KAZN: variants seen among roughly 807,000 people sequenced by gnomAD.
KAZN encodes kazrin, periplakin interacting protein.
KAZN carries 40 observed loss-of-function variants against 87.4 expected under a neutral mutation model. The observed-to-expected ratio is 0.46, with a 90% CI of 0.36 to 0.60. The LOEUF (loss-of-function observed/expected upper bound fraction) is 0.60. KAZN is among the 20% of genes least tolerant of loss of function. The pLI, the probability that KAZN is intolerant of heterozygous loss-of-function variation, is 0.00. For synonymous variants in KAZN, 466 were observed against 458.3 expected (o/e 1.02, Z -0.22); for missense variants, 898 against 1,073.9 (o/e 0.84, Z 2.29).
chr1:14,880,178 G>A (rs1299121041), intron 1 of KAZN, among the ~76,000 whole-genome samples: 2 of 152,136 alleles, frequency 1.3e-5, no homozygotes, highest in East Asian at 3.9e-4. Flanking sequence ...ATTCTGAGCT[G>A]ATGATAATGG....
At chr1:14,442,592 G>T (rs1666764502) in intron 2 of KAZN, among the ~76,000 whole-genome samples, 1 of 152,188 alleles carries the variant, frequency 6.6e-6, no homozygotes, top group Admixed American at 6.5e-5. Context: ...CTGGTGGGGT[G>T]CACCCGATAG....
Position 15,116,281 on chromosome 1 carries a change from A to G in KAZN, c.*1646A>G, listed in dbSNP as rs1641839725. The G allele has an allele frequency of 6.6e-6, 1 of 152,192 alleles. No homozygotes were observed. Among genetic ancestry groups the G allele is most frequent in the Admixed American group, 6.5e-5 (1 of 15,280 alleles). 9.4% of individuals were successfully genotyped at this position (152,192 alleles called of 1,614,324 possible). A position where few individuals can be genotyped will look rare whatever the true frequency, so the allele number is the denominator to read the frequency against. On this transcript the variant is annotated 3_prime_UTR_variant, in exon 15 of 15. Coordinates refer to ENST00000376030, the MANE Select transcript of KAZN (RefSeq NM_201628.3). ...GAACCCTCAAAGCGTGTGTTCTTCA[A>G]CCTGGCAAATTGTTTCCTCTCATGG...
rs145116351 is a variant in KAZN at position 14,517,980 on chromosome 1, C to A, written c.250-81003C>A. 3.2e-4 allele frequency among the ~76,000 whole-genome samples: 49 copies of A among 152,240 alleles called. 1 individual carries two copies. The highest frequency in any genetic ancestry group is 1.1e-3 in the African/African-American group (47 of 41,536). On this transcript the variant is annotated intron_variant, in intron 2 of 16. Transcript: ENST00000636203. ...GCTAACATTGCCAAGCACCTACTGT[C>A]TGTTTCAGAATGAGTGATGGGTGTT...
intron 4 of KAZN, among the ~76,000 whole-genome samples, chr1:15,047,987 G>A (rs4661569): frequency 0.27 from 41,250 of 151,954 alleles, 7,189 homozygotes; most frequent in East Asian, 0.69. Context: ...GGTGCTGGGC[G>A]GTTTCTTAAG....
chr1:14,849,965 C>T (rs996804337), intron 1 of KAZN, among the ~76,000 whole-genome samples: 10 of 146,916 alleles, frequency 6.8e-5, no homozygotes, highest in African/African-American at 2.3e-4. Flanking sequence ...AACAGAGTAT[C>T]GCTCTGTTAC....
At chr1:14,710,629 G>A (rs1225299961) in intron 1 of KAZN, among the ~76,000 whole-genome samples, 1 of 152,188 alleles carries the variant, frequency 6.6e-6, no homozygotes, top group East Asian at 1.9e-4. Flanking sequence ...CCCGGTACCA[G>A]CATGGATTGA....
intron 1 of KAZN, among the ~76,000 whole-genome samples, chr1:14,839,255 G>A (rs1647648226): frequency 1.3e-5 from 2 of 152,070 alleles, no homozygotes; most frequent in African/African-American, 4.8e-5. Flanking sequence ...TCAAATCCTA[G>A]CCCCATTCCT....
At chr1:14,121,470 A>G (rs1480262180) in intron 1 of KAZN, among the ~76,000 whole-genome samples, 1 of 152,186 alleles carries the variant, frequency 6.6e-6, no homozygotes, top group South Asian at 2.1e-4. Context: ...CCACAATTAT[A>G]CAGTTAGGAA....
At chr1:14,356,990 G>A (rs1391519173) in intron 2 of KAZN, among the ~76,000 whole-genome samples, 1 of 151,938 alleles carries the variant, frequency 6.6e-6, no homozygotes, top group African/African-American at 2.4e-5. Flanking sequence ...GATAGGGATA[G>A]CATTGAATCT....
chr1:14,580,018 T>C (rs1430444966), intron 2 of KAZN, among the ~76,000 whole-genome samples: 1 of 152,234 alleles, frequency 6.6e-6, no homozygotes, highest in Non-Finnish European at 1.5e-5. Context: ...GAGTAAGGGA[T>C]AATTAGTACC....
intron 2 of KAZN, among the ~76,000 whole-genome samples, chr1:14,591,948 A>G (rs1370779896): frequency 6.6e-6 from 1 of 151,722 alleles, no homozygotes; most frequent in African/African-American, 2.4e-5. Context: ...TTTTCATTTC[A>G]TAGCTGTGGT....
intron 1 of KAZN, among the ~76,000 whole-genome samples, chr1:13,995,234 A>AT (rs1374720365): frequency 1.3e-5 from 2 of 151,910 alleles, no homozygotes; most frequent in Non-Finnish European, 2.9e-5. Flanking sequence ...AAAAAAAAAA[A>AT]ATCCTAATGA....
intron 2 of KAZN, among the ~76,000 whole-genome samples, chr1:14,965,347 C>G (rs546520839): frequency 1.3e-5 from 2 of 152,300 alleles, no homozygotes; most frequent in Non-Finnish European, 2.9e-5. Context: ...TATGTATAAA[C>G]TGCATGAGCC....
chr1:14,457,592 A>G (rs1667632695), intron 2 of KAZN, among the ~76,000 whole-genome samples: 1 of 152,108 alleles, frequency 6.6e-6, no homozygotes, highest in East Asian at 1.9e-4. Flanking sequence ...TATTTATTAT[A>G]GTACATTTTA....
chr1:14,395,789 C>T (rs1046121896), intron 2 of KAZN, among the ~76,000 whole-genome samples: 3 of 152,152 alleles, frequency 2.0e-5, no homozygotes, highest in South Asian at 2.1e-4. Flanking sequence ...AGACATTTAA[C>T]GTGAACAGCA....
chr1:14,827,371 A>G (rs1226615002), intron 1 of KAZN, among the ~76,000 whole-genome samples: 7 of 152,304 alleles, frequency 4.6e-5, no homozygotes, highest in Admixed American at 3.9e-4. Flanking sequence ...AGCAGTGTAC[A>G]CTGAACCCAA....
At chr1:14,809,926 C>A (rs984990432) in intron 1 of KAZN, among the ~76,000 whole-genome samples, 2 of 152,130 alleles carry the variant, frequency 1.3e-5, no homozygotes, top group African/African-American at 4.8e-5. Context: ...TACAAGGTAA[C>A]GGGCTAGATC....
intron 2 of KAZN, among the ~76,000 whole-genome samples, chr1:14,285,654 T>C (rs1181142880): frequency 6.6e-6 from 1 of 152,248 alleles, no homozygotes. Flanking sequence ...ACCCACTCAG[T>C]TGCACAGGGC....
chr1:14,416,874 G>A (rs1664810816), intron 2 of KAZN, among the ~76,000 whole-genome samples: 1 of 152,074 alleles, frequency 6.6e-6, no homozygotes, highest in African/African-American at 2.4e-5. Flanking sequence ...AAGATCACTT[G>A]AGATCAGGAG....
Sources: allele counts gnomAD v4.1 joint callset (sites outside exome capture counted in the v4.1 genomes callset), GRCh38; gene constraint gnomAD v4.1.1; transcripts MANE v1.5; gene names NCBI Gene and HGNC (gene_info 2026-07-23, HGNC 2026-07-21).